ATXN2: variants seen among roughly 807,000 people sequenced by gnomAD.
ATXN2 encodes ataxin-2.
In ATXN2, 37 loss-of-function variants were observed where a neutral mutation model predicts 138.6. That is an observed-to-expected ratio of 0.27 (90% CI 0.21 to 0.35). The LOEUF is 0.35. Ranked by LOEUF, ATXN2 falls within the 10% of genes least tolerant of loss-of-function variation. ATXN2 has a pLI of 1.00. For missense variants in ATXN2, 1,216 were observed against 1,480.3 expected (o/e 0.82, Z 2.93); for synonymous variants, 549 against 543.7 (o/e 1.01, Z -0.13).
chr12:111,458,161 T>C (rs1875268978), intron 21 of ATXN2: 1 of 152,204 alleles, frequency 6.6e-6, no homozygotes, highest in African/African-American at 2.4e-5. Flanking sequence ...TTTTTGTTTT[T>C]TTTTGAGATA....
intron 5 of ATXN2, among the ~76,000 whole-genome samples, chr12:111,531,274 G>A (rs1021156960): frequency 4.8e-4 from 73 of 151,172 alleles, no homozygotes; most frequent in African/African-American, 1.7e-3. Flanking sequence ...TTAGGTAGGC[G>A]TGGTGGTACA....
intron 1 of ATXN2, among the ~76,000 whole-genome samples, chr12:111,574,496 T>C (rs1445661044): frequency 1.3e-5 from 2 of 151,920 alleles, no homozygotes; most frequent in African/African-American, 4.8e-5. Flanking sequence ...GGCGCAATCA[T>C]AGCTCACTGC....
intron 5 of ATXN2, among the ~76,000 whole-genome samples, chr12:111,545,929 C>T (rs1357164106): frequency 6.8e-6 from 1 of 147,456 alleles, no homozygotes; most frequent in African/African-American, 2.5e-5. Context: ...TGCATCACTG[C>T]ACTCCAGCCT....
At position 111,488,604 on chromosome 12, in the gene ATXN2, A is replaced by G. The variant is rs974054417; in HGVS notation, c.2112T>C (p.Ile704=). The G allele has an allele frequency of 2.5e-6, 4 of 1,614,114 alleles. No homozygotes were observed. Among genetic ancestry groups the G allele is most frequent in the Non-Finnish European group, 3.4e-6 (4 of 1,180,026 alleles). Residue 704 remains isoleucine, a synonymous_variant, in exon 15 of 25, where the codon ATT becomes ATC. Transcript: ENST00000673436. ...SGSSKPNSPS[I]SPSILSNTEH... is the part of the protein sequence containing the mutation. ...CCGTGTTACTAAGTATTGAAGGGGA[A>G]ATGCTGGGGCTATTCGGCTTGCTGC...
chr12:111,482,125 G>A (rs1437634277), intron 18 of ATXN2, among the ~76,000 whole-genome samples: 1 of 151,838 alleles, frequency 6.6e-6, no homozygotes, highest in Non-Finnish European at 1.5e-5. Context: ...GCCGAGGGAG[G>A]TGGATCACTT....
At chr12:111,569,197 C>T (rs1346780159) in intron 1 of ATXN2, among the ~76,000 whole-genome samples, 1 of 152,062 alleles carries the variant, frequency 6.6e-6, no homozygotes. Context: ...AGCTCTGTGG[C>T]CTTAATCCTG....
intron 1 of ATXN2, among the ~76,000 whole-genome samples, chr12:111,583,738 G>A (rs556953659): frequency 1.1e-4 from 12 of 113,536 alleles, no homozygotes; most frequent in African/African-American, 3.7e-4. Context: ...TTGCACTCCA[G>A]CCTGGGCAAC....
chr12:111,460,580 GTTTT>G lies in ATXN2; in HGVS notation c.2897-3225_2897-3222del, dbSNP rs773726978. 6.2e-5 allele frequency among the ~76,000 whole-genome samples: 9 copies of G among 145,790 alleles called. No homozygotes were observed. In the East Asian group the frequency reaches 1.8e-3, roughly 29 times the overall value. ...ACAGTACGGAATCTCAGAGGTTTTTGTTTTTTTTTTGTAACTTTATTTATTCAAG... is the reference window on the plus strand; with the variant it reads ...ACAGTACGGAATCTCAGAGGTTTTTGTTTTTTGTAACTTTATTTATTCAAG... On this transcript the variant is annotated intron_variant, in intron 21 of 24. Coordinates refer to ENST00000673436, the MANE Select transcript of ATXN2 (RefSeq NM_001372574.1).
chr12:111,518,887 A>C (rs1880001785), intron 8 of ATXN2, among the ~76,000 whole-genome samples: 2 of 152,084 alleles, frequency 1.3e-5, no homozygotes, highest in Admixed American at 1.3e-4. Context: ...TGTCAATTCA[A>C]ATCACCAGAC....
chr12:111,453,492 C>A lies in ATXN2; in HGVS notation c.3439+185G>T. The A allele has an allele frequency of 7.5e-7, 1 of 1,335,848 alleles. No homozygotes were observed. Among genetic ancestry groups the A allele is most frequent in the Non-Finnish European group, 9.6e-7 (1 of 1,046,688 alleles). The allele number at this position is 1,335,848 out of a possible 1,614,324, so 82.7% of individuals were successfully genotyped here. A position where few individuals can be genotyped will look rare whatever the true frequency, so the allele number is the denominator to read the frequency against. ...TATACCATCAGAACACACACAGACT[C>A]GGCTCCCGGAAGCCTCAGGCCCTGA... On this transcript the variant is annotated intron_variant, in intron 24 of 24. Coordinates refer to ENST00000673436, the MANE Select transcript of ATXN2 (RefSeq NM_001372574.1). The surrounding 1 kb of genome is among the most constrained non-coding windows in gnomAD (Gnocchi z 5.4).
chr12:111,560,414 G>C (rs1464990049), intron 1 of ATXN2, among the ~76,000 whole-genome samples: 1 of 152,004 alleles, frequency 6.6e-6, no homozygotes, highest in African/African-American at 2.4e-5. Flanking sequence ...TCCAACGGGG[G>C]GGTCCTGGGA....
intron 18 of ATXN2, among the ~76,000 whole-genome samples, chr12:111,484,926 C>A (rs1221817903): frequency 6.6e-6 from 1 of 152,158 alleles, no homozygotes; most frequent in Non-Finnish European, 1.5e-5. Context: ...GAGACAAAGT[C>A]TCTGTTGTCC....
intron 1 of ATXN2, among the ~76,000 whole-genome samples, chr12:111,587,589 G>A (rs972352718): frequency 6.6e-6 from 1 of 151,970 alleles, no homozygotes; most frequent in African/African-American, 2.4e-5. Flanking sequence ...CCAGGATGTT[G>A]AGGCTGCAGT....
At chr12:111,539,630 C>T (rs894756096) in intron 5 of ATXN2, among the ~76,000 whole-genome samples, 2 of 149,572 alleles carry the variant, frequency 1.3e-5, no homozygotes, top group African/African-American at 4.9e-5. Flanking sequence ...ACCTCTAGTC[C>T]CAGCTACCCG....
intron 23 of ATXN2, chr12:111,455,023 A>G (rs530189748): frequency 1.4e-6 from 1 of 702,976 alleles, no homozygotes; most frequent in Admixed American, 2.0e-5. Context: ...CAAACTTCCC[A>G]GAGCTGTGGA....
Position 111,552,374 on chromosome 12 carries a change from C to T in ATXN2, c.477G>A (p.Pro159=), listed in dbSNP as rs371762486. Residue 159 remains proline, a synonymous_variant, in exon 5 of 25, where the codon CCG becomes CCA. Coordinates refer to ENST00000673436, the MANE Select transcript of ATXN2 (RefSeq NM_001372574.1). The surrounding 1 kb of genome is among the most constrained non-coding windows in gnomAD (Gnocchi z 4.1). ...TACTCTCCATTATTTCTTCACGTTT[C>T]GGCCCCGAACTGGATTCTGTACTTT... ...HEKSTESSSG[P]KREEIMESIL... 163 of 1,613,706 alleles carry T rather than the reference C, an allele frequency of 1.0e-4. 2 individuals carry two copies. In the Middle Eastern group the frequency reaches 1.3e-3, roughly 13 times the overall value.
chr12:111,568,050 C>G (rs1042196788), intron 1 of ATXN2, among the ~76,000 whole-genome samples: 1 of 152,100 alleles, frequency 6.6e-6, no homozygotes, highest in African/African-American at 2.4e-5. Context: ...TATCTGAGGT[C>G]AGGAACTCAA....
Position 111,555,226 on chromosome 12 carries a change from T to C in ATXN2, c.288+657A>G, listed in dbSNP as rs562042325. ...GACTCCACTCTTGGTGTTCTACGTA[T>C]CTTTTGGAGGTTTTTCACTTAGATT... On this transcript the variant is annotated intron_variant, in intron 2 of 24. Coordinates refer to ENST00000673436, the MANE Select transcript of ATXN2 (RefSeq NM_001372574.1). 2.0e-5 allele frequency among the ~76,000 whole-genome samples: 3 copies of C among 152,272 alleles called. No homozygotes were observed. In the East Asian group the frequency reaches 5.8e-4, roughly 29 times the overall value.
At chr12:111,505,409 A>G (rs1879045574) in intron 14 of ATXN2, among the ~76,000 whole-genome samples, 1 of 152,224 alleles carries the variant, frequency 6.6e-6, no homozygotes, top group South Asian at 2.1e-4. Flanking sequence ...AAGTAAAAAG[A>G]CAACCAACAG....
Sources: gnomAD v4.1 joint callset for allele counts (sites outside exome capture counted in the v4.1 genomes callset) on GRCh38, gnomAD v4.1.1 for gene constraint, Gnocchi (gnomAD v3.1) non-coding constraint, MANE v1.5 for transcripts, NCBI Gene and HGNC (gene_info 2026-07-23, HGNC 2026-07-21) for gene names.